Variants in BBS9 observed in about 807,000 individuals in gnomAD.
BBS9 encodes protein PTHB1.
BBS9 carries 89 observed loss-of-function variants against 117.7 expected under a neutral mutation model. That is an observed-to-expected ratio of 0.76 (90% CI 0.64 to 0.90). The LOEUF is 0.90. Ranked by LOEUF, BBS9 falls within the 40% of genes least tolerant of loss-of-function variation. The pLI, the probability that BBS9 is intolerant of heterozygous loss-of-function variation, is 0.00. For synonymous variants in BBS9, 379 were observed against 370.9 expected, an observed-to-expected ratio of 1.02 and a Z score of -0.25; for missense variants, 982 against 1,042.2, an observed-to-expected ratio of 0.94 and a Z score of 0.80.
intron 19 of BBS9, among the ~76,000 whole-genome samples, chr7:33,497,361 G>A (rs1585029548): frequency 6.6e-6 from 1 of 152,278 alleles, no homozygotes; most frequent in East Asian, 1.9e-4. Flanking sequence ...TGACTTTGAA[G>A]CTCATCAATT....
intron 19 of BBS9, among the ~76,000 whole-genome samples, chr7:33,495,085 A>C (rs1369855047): frequency 2.0e-5 from 3 of 152,238 alleles, no homozygotes; most frequent in Non-Finnish European, 4.4e-5. Flanking sequence ...GCCCTCTGAA[A>C]AAACTAGATG....
chr7:33,281,841 G>A (rs535916993), intron 9 of BBS9, among the ~76,000 whole-genome samples: 11 of 151,682 alleles, frequency 7.3e-5, no homozygotes, highest in Middle Eastern at 3.4e-3. Flanking sequence ...TTGTGACAGG[G>A]TCTTGCTTTG....
intron 5 of BBS9, among the ~76,000 whole-genome samples, chr7:33,203,595 C>T (rs1465542040): frequency 1.3e-5 from 2 of 152,160 alleles, no homozygotes; most frequent in East Asian, 3.9e-4. Flanking sequence ...AGATAATTCT[C>T]ATATAGGAGC....
At chr7:33,614,914 CA>C (rs1562532882) in intron 21 of BBS9, among the ~76,000 whole-genome samples, 1 of 152,090 alleles carries the variant, frequency 6.6e-6, no homozygotes, top group Non-Finnish European at 1.5e-5. Flanking sequence ...TTTTCCAGAG[CA>C]TAAACTACTG....
intron 5 of BBS9, among the ~76,000 whole-genome samples, chr7:33,219,268 G>A (rs1583689264): frequency 6.6e-6 from 1 of 152,216 alleles, no homozygotes; most frequent in East Asian, 1.9e-4. Context: ...CCCCCTCCGT[G>A]GGCTCCTGTG....
At chr7:33,162,521 T>C (rs562584361) in intron 4 of BBS9, among the ~76,000 whole-genome samples, 1 of 147,212 alleles carries the variant, frequency 6.8e-6, no homozygotes, top group South Asian at 2.2e-4. Context: ...CAGTGGTTTG[T>C]AGTTCTCCTT....
At chr7:33,329,820 A>C (rs1438663412) in intron 9 of BBS9, among the ~76,000 whole-genome samples, 1 of 152,214 alleles carries the variant, frequency 6.6e-6, no homozygotes, top group Non-Finnish European at 1.5e-5. Flanking sequence ...TGAGGTGTTA[A>C]TCAAATATAC....
intron 2 of BBS9, among the ~76,000 whole-genome samples, chr7:33,148,293 GGTATAGGACT>G (rs1343565546): frequency 1.3e-5 from 2 of 152,024 alleles, no homozygotes; most frequent in Admixed American, 1.3e-4. Flanking sequence ...GAGGGGAGGA[GGTATAGGACT>G]GTAACCTGGA....
At chr7:33,431,224 T>G (rs1373854208) in intron 19 of BBS9, among the ~76,000 whole-genome samples, 1 of 146,788 alleles carries the variant, frequency 6.8e-6, no homozygotes, top group African/African-American at 2.5e-5. Context: ...AAAAAAAAAA[T>G]GGTACTGGTT....
In BBS9 at chr7:33,590,862, A is replaced by T. The variant is rs531521512; in HGVS notation, c.2522-14003A>T. Among the ~76,000 whole-genome samples, 723 of 111,108 alleles carry T rather than the reference A, an allele frequency of 6.5e-3. 3 individuals are homozygous for T. Among genetic ancestry groups the T allele is most frequent in the South Asian group, 0.017 (47 of 2,762 alleles). The allele number at this position is 111,108 out of a possible 152,430, so 72.9% of individuals were successfully genotyped here. A position where few individuals can be genotyped will look rare whatever the true frequency, so the allele number is the denominator to read the frequency against. ...ATCAAGTAAATAGTTTTTCTTTTTT[A>T]AAAAAAAAACTAATAATCATGGAGC... On this transcript the variant is annotated intron_variant, in intron 21 of 22. Coordinates refer to ENST00000242067, the MANE Select transcript of BBS9 (RefSeq NM_198428.3).
intron 19 of BBS9, among the ~76,000 whole-genome samples, chr7:33,402,586 T>C (rs769553795): frequency 1.3e-5 from 2 of 152,210 alleles, no homozygotes; most frequent in Non-Finnish European, 2.9e-5. Flanking sequence ...GGATATTTCA[T>C]ATAAATGGAA....
At chr7:33,443,883 AAACAGGG>A (rs2128902820) in intron 19 of BBS9, among the ~76,000 whole-genome samples, 1 of 152,336 alleles carries the variant, frequency 6.6e-6, no homozygotes, top group African/African-American at 2.4e-5. Flanking sequence ...TGAGTTACCG[AAACAGGG>A]AGCTCAAACT....
chr7:33,602,739 G>A lies in BBS9; in HGVS notation c.2522-2126G>A, dbSNP rs1291037948. 3.3e-5 allele frequency among the ~76,000 whole-genome samples: 5 copies of A among 152,078 alleles called. No homozygotes were observed. The South Asian group carries it at 1.0e-3, about 32-fold the overall frequency. On this transcript the variant is annotated intron_variant, in intron 21 of 22. Transcript: ENST00000242067. ...AGCGAAACTCTGTCTCAAAAAAAAA[G>A]AAGGAATGAAAGAAAGGTGGGTGGC...
At chr7:33,322,757 A>G (rs1812005399) in intron 9 of BBS9, among the ~76,000 whole-genome samples, 1 of 150,924 alleles carries the variant, frequency 6.6e-6, no homozygotes, top group Admixed American at 6.6e-5. Context: ...GATGTTTATT[A>G]TTTTTCTCTT....
chr7:33,294,034 A>T (rs1804648927), intron 9 of BBS9, among the ~76,000 whole-genome samples: 2 of 152,162 alleles, frequency 1.3e-5, no homozygotes, highest in Admixed American at 1.3e-4. Flanking sequence ...AGAAGAGCCT[A>T]GGAAGAACCT....
At chr7:33,377,761 A>G (rs1233046428) in intron 17 of BBS9, among the ~76,000 whole-genome samples, 1 of 151,978 alleles carries the variant, frequency 6.6e-6, no homozygotes, top group Non-Finnish European at 1.5e-5. Context: ...TTATATTTCT[A>G]GATATTTTAT....
intron 1 of BBS9, among the ~76,000 whole-genome samples, chr7:33,136,098 A>G (rs568001652): frequency 2.0e-5 from 3 of 151,906 alleles, no homozygotes; most frequent in East Asian, 1.9e-4. Context: ...TAACTTATGT[A>G]TTTTACTCTT....
intron 5 of BBS9, among the ~76,000 whole-genome samples, chr7:33,222,239 A>AT (rs1224797522): frequency 6.6e-6 from 1 of 152,228 alleles, no homozygotes; most frequent in Admixed American, 6.5e-5. Context: ...ACCTTTTTAG[A>AT]TTTTTTCATC....
At chr7:33,440,542 C>T (rs951730321) in intron 19 of BBS9, among the ~76,000 whole-genome samples, 5 of 152,202 alleles carry the variant, frequency 3.3e-5, no homozygotes, top group African/African-American at 1.2e-4. Context: ...TCATGGGCCA[C>T]AGCTTACAAT....
Sources: gnomAD v4.1 joint callset for allele counts (sites outside exome capture counted in the v4.1 genomes callset) on GRCh38, gnomAD v4.1.1 for gene constraint, MANE v1.5 for transcripts, NCBI Gene and HGNC (gene_info 2026-07-23, HGNC 2026-07-21) for gene names.